The following HSD17B12 variants were observed in gnomAD, a reference collection of about 807,000 sequenced individuals.
HSD17B12 encodes very-long-chain 3-oxoacyl-CoA reductase.
A neutral mutation model predicts 39.3 loss-of-function variants in HSD17B12; 32 were observed. The ratio of observed to expected loss-of-function variants is 0.81; its 90% CI spans 0.61 to 1.09. The LOEUF is 1.09. Among genes scored for constraint, HSD17B12 ranks in the 50% least tolerant of loss-of-function variants. HSD17B12 has a pLI of 0.00. For synonymous variants in HSD17B12, 150 were observed against 146.7 expected (o/e 1.02, Z -0.16); for missense variants, 342 against 382.9 (o/e 0.89, Z 0.89).
intron 3 of HSD17B12, chr11:43,755,542 A>T (rs559998114): frequency 1.3e-5 from 2 of 152,210 alleles, no homozygotes; most frequent in Non-Finnish European, 2.9e-5. Context: ...ATTTATCTCT[A>T]TGAGTCCTTG....
the HSD17B12 span, among the ~76,000 whole-genome samples, chr11:43,579,939 T>C: frequency 6.6e-6 from 1 of 151,888 alleles, no homozygotes; most frequent in Admixed American, 6.5e-5. Context: ...ATGGCAACTT[T>C]CCCCCCAAGT....
the HSD17B12 span, among the ~76,000 whole-genome samples, chr11:43,574,255 T>G: frequency 6.6e-6 from 1 of 152,220 alleles, no homozygotes; most frequent in Admixed American, 6.5e-5. Context: ...CTGAGGCCCA[T>G]GATCATTCTC....
chr11:43,719,218 G>T (rs781295209), intron 1 of HSD17B12: 1 of 647,444 alleles, frequency 1.5e-6, no homozygotes. Context: ...TCAATTTCTG[G>T]TTGGGCTGGG....
At chr11:43,677,005 G>T (rs888586489), upstream of HSD17B12, among the ~76,000 whole-genome samples, 1 of 152,100 alleles carries the variant, frequency 6.6e-6, no homozygotes, top group Non-Finnish European at 1.5e-5. Context: ...GACGAAGAGT[G>T]GTGGGCCTTT....
intron 6 of HSD17B12, among the ~76,000 whole-genome samples, chr11:43,824,544 A>C (rs1951213924): frequency 1.3e-5 from 2 of 152,294 alleles, no homozygotes; most frequent in South Asian, 4.1e-4. Context: ...CCATGTCCTC[A>C]TGTGGCAGAA....
At position 43,769,643 on chromosome 11, in the gene HSD17B12, A is replaced by G. The variant is rs11037617; in HGVS notation, c.283+15522A>G. Among the ~76,000 whole-genome samples, 5 of 152,310 alleles carry G rather than the reference A, an allele frequency of 3.3e-5. No individual in the cohort carries two copies. In the East Asian group the frequency reaches 9.6e-4, roughly 29 times the overall value. On this transcript the variant is annotated intron_variant, in intron 3 of 10. Coordinates refer to ENST00000278353, the MANE Select transcript of HSD17B12 (RefSeq NM_016142.3). ...GTATGACATTGTTTTTCAATTATGA[A>G]TCACTTAAAATCAGTGTTTTTGACT...
intron 2 of HSD17B12, among the ~76,000 whole-genome samples, chr11:43,752,347 A>G (rs1950472444): frequency 6.6e-6 from 1 of 152,136 alleles, no homozygotes; most frequent in Admixed American, 6.5e-5. Flanking sequence ...TTTCCCAAAA[A>G]TCTTTTATCC....
chr11:43,641,999 G>C, the HSD17B12 span, among the ~76,000 whole-genome samples: 1 of 151,768 alleles, frequency 6.6e-6, no homozygotes, highest in African/African-American at 2.4e-5. Context: ...AAAAGAAATA[G>C]ATTGCAATGT....
chr11:43,717,221 A>G (rs1398289752), intron 1 of HSD17B12, among the ~76,000 whole-genome samples: 2 of 152,214 alleles, frequency 1.3e-5, no homozygotes, highest in South Asian at 2.1e-4. Context: ...TGGAATATCA[A>G]TTCCATGAGG....
chr11:43,688,869 T>G (rs556872651), intron 1 of HSD17B12, among the ~76,000 whole-genome samples: 4 of 152,354 alleles, frequency 2.6e-5, no homozygotes, highest in South Asian at 2.1e-4. Context: ...TTAAATGAGA[T>G]GTAAATGAGG....
intron 3 of HSD17B12, among the ~76,000 whole-genome samples, chr11:43,774,239 G>A (rs1307018443): frequency 6.6e-6 from 1 of 151,120 alleles, no homozygotes; most frequent in African/African-American, 2.4e-5. Context: ...TTTTGAGATG[G>A]AGTCTCGCTC....
At chr11:43,750,610 T>G (rs1950457009) in intron 1 of HSD17B12, among the ~76,000 whole-genome samples, 1 of 152,232 alleles carries the variant, frequency 6.6e-6, no homozygotes, top group Non-Finnish European at 1.5e-5. Flanking sequence ...AGGCATATTT[T>G]TAGTTCTGAA....
chr11:43,775,389 G>C (rs554715942), intron 3 of HSD17B12, among the ~76,000 whole-genome samples: 1 of 152,176 alleles, frequency 6.6e-6, no homozygotes, highest in Non-Finnish European at 1.5e-5. Context: ...GACAGATGCA[G>C]GTTTTGGATC....
intron 3 of HSD17B12, among the ~76,000 whole-genome samples, chr11:43,754,407 T>C (rs753301310): frequency 6.6e-6 from 1 of 151,926 alleles, no homozygotes; most frequent in Non-Finnish European, 1.5e-5. Flanking sequence ...ACCCCGTCTC[T>C]ACTAAAAATT....
chr11:43,763,869 T>A (rs138531693), intron 3 of HSD17B12, among the ~76,000 whole-genome samples: 4 of 151,918 alleles, frequency 2.6e-5, no homozygotes, highest in African/African-American at 9.7e-5. Flanking sequence ...TATTTCAAGG[T>A]CAGTTAAGAA....
chr11:43,753,882 G>T (rs1237216560), intron 2 of HSD17B12, among the ~76,000 whole-genome samples, 164 bp from the exon 3 acceptor site: 6 of 152,034 alleles, frequency 3.9e-5, no homozygotes, highest in African/African-American at 1.4e-4. Context: ...ACTTTTTGGG[G>T]CATTTTTTTG....
intron 7 of HSD17B12, among the ~76,000 whole-genome samples, chr11:43,834,552 G>C (rs756178477): frequency 7.9e-5 from 12 of 152,140 alleles, no homozygotes; most frequent in Non-Finnish European, 1.8e-4. Context: ...CTTCAAAGGA[G>C]ACCTATTACG....
At chr11:43,719,636 A>G (rs953510801) in intron 1 of HSD17B12, among the ~76,000 whole-genome samples, 7 of 151,256 alleles carry the variant, frequency 4.6e-5, no homozygotes, top group Non-Finnish European at 1.0e-4. Context: ...AAATATATAT[A>G]TATATATACC....
At chr11:43,825,060 G>A (rs1951220312) in intron 6 of HSD17B12, among the ~76,000 whole-genome samples, 1 of 152,046 alleles carries the variant, frequency 6.6e-6, no homozygotes, top group Admixed American at 6.5e-5. Flanking sequence ...GAACCCAGGA[G>A]GCAGAGGTTG....
Sources: gnomAD v4.1 joint callset for allele counts (sites outside exome capture counted in the v4.1 genomes callset) on GRCh38, gnomAD v4.1.1 for gene constraint, MANE v1.5 for transcripts, NCBI Gene and HGNC (gene_info 2026-07-23, HGNC 2026-07-21) for gene names.